Variants in ALK observed in about 807,000 individuals in gnomAD.
ALK encodes the protein ALK tyrosine kinase receptor.
ALK carries 74 observed loss-of-function variants against 163.1 expected under a neutral mutation model. The observed-to-expected ratio is 0.45, with a 90% CI of 0.38 to 0.55. ALK has a LOEUF of 0.55. ALK is among the 20% of genes least tolerant of loss of function. The probability of loss-of-function intolerance (pLI) is 0.00; values close to 1 mark genes in which losing one functional copy is unlikely to be tolerated. For missense variants in ALK, 2,063 were observed against 2,105.3 expected (o/e 0.98, Z 0.39); for synonymous variants, 960 against 843.2 (o/e 1.14, Z -2.40).
rs397706189 is a variant in ALK at position 29,193,159 on chromosome 2, C to CATTG, written c.*61_*64dup. 391,088 of 1,516,284 alleles carry CATTG rather than the reference C, an allele frequency of 0.26. 61,383 individuals are homozygous for CATTG. Among genetic ancestry groups the CATTG allele is most frequent in the East Asian group, 0.73 (31,705 of 43,668 alleles). The allele number at this position is 1,516,284 out of a possible 1,614,324, so 93.9% of individuals were successfully genotyped here. A position where few individuals can be genotyped will look rare whatever the true frequency, so the allele number is the denominator to read the frequency against. On this transcript the variant is annotated 3_prime_UTR_variant, in exon 29 of 29. Coordinates refer to ENST00000389048, the MANE Select transcript of ALK (RefSeq NM_004304.5). Reference sequence around the variant, plus strand: ...TTTGGTCTCTGGTTTGTGAAGGAGCCATTGCCTCTCTCTCCTCCACGGTCT... The same window carrying CATTG: ...TTTGGTCTCTGGTTTGTGAAGGAGCCATTGATTGCCTCTCTCTCCTCCACGGTCT...
chr2:29,451,741 T>C (rs998290799), intron 4 of ALK, among the ~76,000 whole-genome samples: 1 of 152,186 alleles, frequency 6.6e-6, no homozygotes, highest in African/African-American at 2.4e-5. Context: ...TTTATTTGCA[T>C]ATTTGTCTCC....
At chr2:29,366,029 G>A (rs142836177) in intron 5 of ALK, among the ~76,000 whole-genome samples, 111 of 152,278 alleles carry the variant, frequency 7.3e-4, no homozygotes, top group African/African-American at 2.5e-3. Flanking sequence ...ACTACTTTGG[G>A]TTGGGGAGGG....
In ALK at chr2:29,212,408, T is replaced by C. The variant is rs142332542; in HGVS notation, c.3743+1576A>G. Among the ~76,000 whole-genome samples the C allele has an allele frequency of 2.1e-3, 327 of 152,224 alleles. 1 individual carries two copies. Among genetic ancestry groups the C allele is most frequent in the Non-Finnish European group, 3.5e-3 (241 of 68,008 alleles). On this transcript the variant is annotated intron_variant, in intron 24 of 28. Transcript: ENST00000389048. ...ACTACCTTAAAAAAAAGAACAGAAC[T>C]GATAGACTCTTAGAAGGAGCAGATG... is the stretch of plus-strand genomic sequence containing the variant.
At chr2:29,266,536 T>C (rs1012668854) in intron 11 of ALK, among the ~76,000 whole-genome samples, 2 of 152,236 alleles carry the variant, frequency 1.3e-5, no homozygotes, top group Non-Finnish European at 2.9e-5. Context: ...TATATCAGCA[T>C]ATTGTTTTGT....
At chr2:29,914,980 C>T (rs1428572335) in intron 1 of ALK, among the ~76,000 whole-genome samples, 1 of 152,142 alleles carries the variant, frequency 6.6e-6, no homozygotes, top group East Asian at 1.9e-4. Context: ...ATTTGTCCTG[C>T]CTACCATAGG....
chr2:29,369,591 T>C (rs1668593872), intron 5 of ALK, among the ~76,000 whole-genome samples: 1 of 152,154 alleles, frequency 6.6e-6, no homozygotes, highest in Non-Finnish European at 1.5e-5. Context: ...ATGACGGAGC[T>C]GGACACATGG....
rs139114324 is a variant in ALK at position 29,274,199 on chromosome 2, A to G, written c.2041+900T>C. Among the ~76,000 whole-genome samples, 5 of 152,326 alleles carry G rather than the reference A, an allele frequency of 3.3e-5. No homozygotes were observed. In the East Asian group the frequency reaches 9.6e-4, roughly 29 times the overall value. ...GCTAATGTCTAGTTCACATGTTGAG[A>G]GCAGATGTGGCAAAGGTATGGACCT... On this transcript the variant is annotated intron_variant, in intron 11 of 28. Transcript: ENST00000389048.
chr2:29,260,934 T>C (rs1488399651), intron 11 of ALK, among the ~76,000 whole-genome samples: 1 of 152,162 alleles, frequency 6.6e-6, no homozygotes, highest in Non-Finnish European at 1.5e-5. Context: ...CTGGACATTC[T>C]CTTATTTATT....
chr2:29,259,657 G>A (rs1665035202), intron 11 of ALK, among the ~76,000 whole-genome samples: 1 of 151,646 alleles, frequency 6.6e-6, no homozygotes, highest in Non-Finnish European at 1.5e-5. Flanking sequence ...TTTTGCTTAG[G>A]TGTCCAAAGT....
At chr2:29,832,896 A>T (rs540566195) in intron 1 of ALK, among the ~76,000 whole-genome samples, 1 of 152,332 alleles carries the variant, frequency 6.6e-6, no homozygotes, top group East Asian at 1.9e-4. Flanking sequence ...AAATCAGGAG[A>T]AGCTTGCTTC....
chr2:29,238,993 G>A (rs776858064), intron 13 of ALK, among the ~76,000 whole-genome samples: 12 of 152,180 alleles, frequency 7.9e-5, no homozygotes, highest in Non-Finnish European at 1.3e-4. Context: ...ATAAATTCCC[G>A]TGAAAATTAT....
chr2:29,532,109 A>G lies in ALK; in HGVS notation c.960T>C (p.Phe320=), dbSNP rs749339430. 5 of 1,613,848 alleles carry G rather than the reference A, an allele frequency of 3.1e-6. No individual in the cohort carries two copies. In the African/African-American group the frequency reaches 6.7e-5, roughly 22 times the overall value. ...AGTCAGCTGAGGTGTTGAGAAGGAG[A>G]AAGGAGCCTGGAAAGAGACAGGGAA... ...ERSKEMPRGS[F]LLLNTSADSK... Residue 320 remains phenylalanine (F), a synonymous_variant, in exon 4 of 29, where the codon TTT becomes TTC. Coordinates refer to ENST00000389048, the MANE Select transcript of ALK (RefSeq NM_004304.5).
intron 3 of ALK, among the ~76,000 whole-genome samples, chr2:29,610,757 G>A (rs896593330): frequency 3.9e-5 from 6 of 152,254 alleles, no homozygotes; most frequent in African/African-American, 9.6e-5. Flanking sequence ...CTGGGCATCC[G>A]CATCAAATCA....
At chr2:29,205,363 A>AGGTT (rs1177953711) in intron 26 of ALK, among the ~76,000 whole-genome samples, 15 of 152,246 alleles carry the variant, frequency 9.9e-5, no homozygotes, top group Admixed American at 4.6e-4. Flanking sequence ...GCTGGTGGGT[A>AGGTT]GCTTGCTTGC....
intron 24 of ALK, among the ~76,000 whole-genome samples, chr2:29,210,301 G>GCTAT (rs1203239134): frequency 1.3e-5 from 2 of 152,200 alleles, no homozygotes; most frequent in African/African-American, 4.8e-5. Flanking sequence ...CATAAGGAAT[G>GCTAT]CTATCTGGCC....
Position 29,462,647 on chromosome 2 carries a change from A to C in ALK, c.1154+69268T>G, listed in dbSNP as rs139017935. On this transcript the variant is annotated intron_variant, in intron 4 of 28. Transcript: ENST00000389048. ...AACTCATATGCACTGGAAAAACCAA[A>C]CAATTTGTGTTACTTGCTTTACTGA... Among the ~76,000 whole-genome samples, 131 of 152,302 alleles carry C rather than the reference A, an allele frequency of 8.6e-4. 1 individual carries two copies. The East Asian group carries it at 0.017, about 19-fold the overall frequency.
At chr2:29,423,170 C>A (rs1379584612) in intron 4 of ALK, among the ~76,000 whole-genome samples, 5 of 152,090 alleles carry the variant, frequency 3.3e-5, no homozygotes, top group Admixed American at 2.6e-4. Flanking sequence ...GAACTAAGTT[C>A]TTTCATATCT....
chr2:29,893,147 T>C (rs1301909032), intron 1 of ALK, among the ~76,000 whole-genome samples: 1 of 152,186 alleles, frequency 6.6e-6, no homozygotes, highest in Non-Finnish European at 1.5e-5. Flanking sequence ...GCCATAATTC[T>C]TGAATATTTC....
At position 29,783,869 on chromosome 2, in the gene ALK, C is replaced by A. The variant is rs1663919021; in HGVS notation, c.668-66172G>T. Among the ~76,000 whole-genome samples, 4 of 152,128 alleles carry A rather than the reference C, an allele frequency of 2.6e-5. No individual in the cohort carries two copies. In the South Asian group the frequency reaches 8.3e-4, roughly 32 times the overall value. Reference sequence around the variant, plus strand: ...GTTACGGAGCAGGTGGCCTGAGCACCCATCCCAGTCCTCCAGGATTCCACC... The same window carrying A: ...GTTACGGAGCAGGTGGCCTGAGCACACATCCCAGTCCTCCAGGATTCCACC... On this transcript the variant is annotated intron_variant, in intron 1 of 28. Coordinates refer to ENST00000389048, the MANE Select transcript of ALK (RefSeq NM_004304.5).
Sources: gnomAD v4.1 joint callset for allele counts (sites outside exome capture counted in the v4.1 genomes callset) on GRCh38, gnomAD v4.1.1 for gene constraint, MANE v1.5 for transcripts, NCBI Gene and HGNC (gene_info 2026-07-23, HGNC 2026-07-21) for gene names.